The following ARHGAP28 variants were observed in gnomAD, a reference collection of about 807,000 sequenced individuals.
The protein encoded by ARHGAP28 is Rho GTPase activating protein 28, also known as rho GTPase-activating protein 28.
Under a neutral mutation model 90.7 loss-of-function variants are expected in ARHGAP28, and 56 were observed. The ratio of observed to expected loss-of-function variants is 0.62; its 90% CI spans 0.50 to 0.77. ARHGAP28 has a LOEUF of 0.77. Ranked by LOEUF, ARHGAP28 falls within the 30% of genes least tolerant of loss-of-function variation. The probability of loss-of-function intolerance (pLI) is 0.00; values close to 1 mark genes in which losing one functional copy is unlikely to be tolerated. For missense variants in ARHGAP28, 869 were observed against 900.9 expected, an observed-to-expected ratio of 0.96 and a Z score of 0.45; for synonymous variants, 308 against 323.3, an observed-to-expected ratio of 0.95 and a Z score of 0.51.
intron 9 of ARHGAP28, among the ~76,000 whole-genome samples, chr18:6,875,255 C>T (rs1206886300): frequency 6.6e-6 from 1 of 152,172 alleles, no homozygotes; most frequent in African/African-American, 2.4e-5. Flanking sequence ...GTTAAGTGTT[C>T]CTCGCTACGA....
Position 6,868,170 on chromosome 18 carries a change from A to G in ARHGAP28, c.747A>G (p.Pro249=). 1.2e-6 allele frequency: 2 copies of G among 1,614,090 alleles called. No individual in the cohort carries two copies. The highest frequency in any genetic ancestry group is 1.7e-6 in the Non-Finnish European group (2 of 1,179,976). Residue 249 remains proline (P), a synonymous_variant, in exon 6 of 18, where the codon CCA becomes CCG. Transcript: ENST00000383472. ...SDSVAILETI[P]VLPVHSNGSP... The stretch of plus-strand genomic sequence containing the variant: ...GGCAGGCTATACTTGAGACCATTCC[A>G]GTTCTACCAGTTCATTCCAATGGAT...
At chr18:6,774,735 G>A (rs1378304514) in intron 1 of ARHGAP28, among the ~76,000 whole-genome samples, 6 of 152,346 alleles carry the variant, frequency 3.9e-5, no homozygotes, top group African/African-American at 1.2e-4. Context: ...GGCTTACCAA[G>A]CCTTTCCTCC....
chr18:6,765,782 G>T (rs1288393381), intron 1 of ARHGAP28, among the ~76,000 whole-genome samples: 3 of 151,904 alleles, frequency 2.0e-5, no homozygotes, highest in Non-Finnish European at 2.9e-5. Context: ...GATTGCTTTA[G>T]CTGCATCCCA....
At chr18:6,848,499 A>G (rs920773603) in intron 3 of ARHGAP28, among the ~76,000 whole-genome samples, 1 of 152,210 alleles carries the variant, frequency 6.6e-6, no homozygotes, top group Non-Finnish European at 1.5e-5. Context: ...GGATTTTTAT[A>G]TATTAGCTTA....
intron 14 of ARHGAP28, among the ~76,000 whole-genome samples, chr18:6,894,027 C>T (rs950659946): frequency 4.0e-5 from 6 of 151,848 alleles, no homozygotes; most frequent in African/African-American, 1.2e-4. Flanking sequence ...CCACCACGCT[C>T]GGCTAATTTT....
chr18:6,791,754 A>T (rs1263439898), intron 1 of ARHGAP28: 1 of 152,044 alleles, frequency 6.6e-6, no homozygotes, highest in Admixed American at 6.5e-5. Context: ...GTATAAAAAC[A>T]TATTTTATGA....
intron 16 of ARHGAP28, among the ~76,000 whole-genome samples, chr18:6,906,810 A>G (rs1254371765): frequency 1.3e-5 from 2 of 152,330 alleles, no homozygotes; most frequent in East Asian, 3.9e-4. Flanking sequence ...CTTATACTCT[A>G]AAAGACCATG....
At chr18:6,883,828 C>T (rs1040161741) in intron 11 of ARHGAP28, among the ~76,000 whole-genome samples, 6 of 151,780 alleles carry the variant, frequency 4.0e-5, no homozygotes, top group Admixed American at 2.6e-4. Context: ...ACATGCTGTC[C>T]GTGACCAGTA....
rs1491507715 is a variant in ARHGAP28 at position 6,841,179 on chromosome 18, TCC to T, written c.543+3766_543+3767del. The stretch of plus-strand genomic sequence containing the variant: ...TCTTTCTCTCTCTCCTCTCTCTCTC[TCC>T]TCTCTCTCTCTCTCTCTCTCTCCTC... On this transcript the variant is annotated intron_variant, in intron 3 of 17. Coordinates refer to ENST00000383472, the MANE Select transcript of ARHGAP28 (RefSeq NM_001366230.1). Among the ~76,000 whole-genome samples the T allele has an allele frequency of 8.9e-5, 6 of 67,328 alleles. No individual in the cohort carries two copies. In the East Asian group the frequency reaches 2.2e-3, roughly 25 times the overall value. 44.2% of individuals were successfully genotyped at this position (67,328 alleles called of 152,430 possible). A position where few individuals can be genotyped will look rare whatever the true frequency, so the allele number is the denominator to read the frequency against.
chr18:6,876,644 T>G (rs2057133339), intron 10 of ARHGAP28, among the ~76,000 whole-genome samples: 2 of 152,234 alleles, frequency 1.3e-5, no homozygotes. Context: ...TGAGTCTTTA[T>G]TTCCATCATT....
intron 1 of ARHGAP28, among the ~76,000 whole-genome samples, chr18:6,751,946 A>G (rs1323177192): frequency 6.6e-6 from 1 of 152,174 alleles, no homozygotes. Flanking sequence ...CCGTTTTTGA[A>G]GCCTTGCTTA....
intron 1 of ARHGAP28, among the ~76,000 whole-genome samples, chr18:6,769,367 C>G (rs1043566666): frequency 6.6e-6 from 1 of 152,180 alleles, no homozygotes; most frequent in Non-Finnish European, 1.5e-5. Context: ...AACTGGGGCT[C>G]CATGTCTATC....
At chr18:6,911,773 G>A (rs753725238) in intron 17 of ARHGAP28, among the ~76,000 whole-genome samples, 115 of 151,930 alleles carry the variant, frequency 7.6e-4, no homozygotes, top group Non-Finnish European at 1.1e-3. Flanking sequence ...TGAAGCAAGG[G>A]AACAATTTGC....
chr18:6,752,796 C>G (rs980106771), intron 1 of ARHGAP28, among the ~76,000 whole-genome samples: 3 of 152,184 alleles, frequency 2.0e-5, no homozygotes, highest in Non-Finnish European at 4.4e-5. Flanking sequence ...TCAGCACTCT[C>G]TGACCACCCC....
chr18:6,896,800 T>A (rs2057307980), intron 16 of ARHGAP28, 174 bp downstream of exon 16: 1 of 683,574 alleles, frequency 1.5e-6, no homozygotes, highest in Non-Finnish European at 2.2e-6. Context: ...GATATATGAT[T>A]GCTAACAACA....
intron 5 of ARHGAP28, among the ~76,000 whole-genome samples, chr18:6,867,902 T>C (rs2057050230): frequency 6.6e-6 from 1 of 152,192 alleles, no homozygotes. Context: ...GCAGCAAATA[T>C]TTAAGAGCTA....
intron 1 of ARHGAP28, among the ~76,000 whole-genome samples, chr18:6,817,372 G>T (rs1186981696): frequency 6.6e-6 from 1 of 151,928 alleles, no homozygotes; most frequent in Non-Finnish European, 1.5e-5. Flanking sequence ...AGAATTGTTA[G>T]ATGCCACCCA....
rs56378801 is a variant in ARHGAP28 at position 6,857,135 on chromosome 18, G to A, written c.637-2673G>A. Reference sequence around the variant, plus strand: ...AGATGCTACATAATTCAGATTGTGAGCAAACACAGCCACATCTCCCCATCA... The same window carrying A: ...AGATGCTACATAATTCAGATTGTGAACAAACACAGCCACATCTCCCCATCA... On this transcript the variant is annotated intron_variant, in intron 4 of 17. Coordinates refer to ENST00000383472, the MANE Select transcript of ARHGAP28 (RefSeq NM_001366230.1). 9.7e-3 allele frequency among the ~76,000 whole-genome samples: 1,472 copies of A among 152,188 alleles called. 6 individuals carry two copies. The highest frequency in any genetic ancestry group is 0.014 in the Non-Finnish European group (980 of 68,020).
chr18:6,733,414 C>T (rs1195776440), intron 1 of ARHGAP28, among the ~76,000 whole-genome samples: 2 of 152,050 alleles, frequency 1.3e-5, no homozygotes, highest in Admixed American at 1.3e-4. Context: ...CCCACACCCC[C>T]CGTTTCTTTA....
Sources: gnomAD v4.1 joint callset for allele counts (sites outside exome capture counted in the v4.1 genomes callset) on GRCh38, gnomAD v4.1.1 for gene constraint, MANE v1.5 for transcripts, NCBI Gene and HGNC (gene_info 2026-07-23, HGNC 2026-07-21) for gene names.